MAP4K4: variants seen among roughly 807,000 people sequenced by gnomAD.
MAP4K4 encodes mitogen-activated protein kinase kinase kinase kinase 4.
In MAP4K4, 38 loss-of-function variants were observed where a neutral mutation model predicts 189.6. The ratio of observed to expected loss-of-function variants is 0.20; its 90% confidence interval spans 0.15 to 0.26. The LOEUF (loss-of-function observed/expected upper bound fraction) is 0.26, where lower values mean the gene tolerates loss of function less well. Ranked by LOEUF, MAP4K4 falls within the 10% of genes least tolerant of loss-of-function variation. MAP4K4 has a pLI of 1.00. For missense variants in MAP4K4, 1,054 were observed against 1,726.9 expected (o/e 0.61, Z 6.91); for synonymous variants, 610 against 624.3 (o/e 0.98, Z 0.34).
chr2:101,826,193 G>A (rs894380402), intron 5 of MAP4K4, among the ~76,000 whole-genome samples: 4 of 152,000 alleles, frequency 2.6e-5, no homozygotes, highest in Middle Eastern at 3.4e-3. Flanking sequence ...TTAAATTGAA[G>A]CCCAATTCTT....
chr2:101,779,866 A>G (rs1375034033), intron 2 of MAP4K4, among the ~76,000 whole-genome samples: 1 of 151,852 alleles, frequency 6.6e-6, no homozygotes, highest in African/African-American at 2.4e-5. Context: ...TAAAATATGA[A>G]TATACAGCAT....
intron 25 of MAP4K4, 33 bp from the exon 26 acceptor site, chr2:101,874,049 A>C (rs1161551902): frequency 1.3e-6 from 2 of 1,587,516 alleles, no homozygotes; most frequent in Non-Finnish European, 1.7e-6. Context: ...GTGTGTGTGT[A>C]CAGAAAATAA....
intron 7 of MAP4K4, among the ~76,000 whole-genome samples, chr2:101,832,964 T>C (rs2096632456): frequency 6.6e-6 from 1 of 152,142 alleles, no homozygotes; most frequent in East Asian, 1.9e-4. Flanking sequence ...CTTAGCAAAA[T>C]CACTGCTGGG....
At chr2:101,831,487 G>A (rs940788630) in intron 6 of MAP4K4, among the ~76,000 whole-genome samples, 5 of 151,484 alleles carry the variant, frequency 3.3e-5, no homozygotes, top group African/African-American at 1.2e-4. Context: ...GAGGCAGCCA[G>A]ATCCAGGCCT....
chr2:101,857,707 C>G (rs1375038964), intron 13 of MAP4K4, among the ~76,000 whole-genome samples: 1 of 152,116 alleles, frequency 6.6e-6, no homozygotes, highest in Non-Finnish European at 1.5e-5. Context: ...TAAGTCCGCC[C>G]CACCCCTCTG....
chr2:101,845,574 C>T (rs2097079084), intron 12 of MAP4K4, among the ~76,000 whole-genome samples: 1 of 152,046 alleles, frequency 6.6e-6, no homozygotes, highest in Admixed American at 6.5e-5. Context: ...GTTACTGTGC[C>T]TTATACTGTA....
chr2:101,839,175 C>A (rs1317161818), intron 9 of MAP4K4, among the ~76,000 whole-genome samples: 1 of 152,188 alleles, frequency 6.6e-6, no homozygotes, highest in Non-Finnish European at 1.5e-5. Flanking sequence ...CCATGGTCCT[C>A]ATGAGCTGGG....
intron 2 of MAP4K4, among the ~76,000 whole-genome samples, chr2:101,767,811 A>G (rs1231582907): frequency 6.6e-6 from 1 of 152,178 alleles, no homozygotes; most frequent in Non-Finnish European, 1.5e-5. Flanking sequence ...CACTTTAATA[A>G]TTGCTATGAC....
In MAP4K4 at chr2:101,726,488, C is replaced by G. The variant is rs1346984482; in HGVS notation, c.123+27950C>G. On this transcript the variant is annotated intron_variant, in intron 2 of 32. Coordinates refer to ENST00000324219, the Ensembl canonical transcript of MAP4K4. ...ATTGTTGACTAAAGGTCCATTATTA[C>G]TAGTTAAGTATCAGCTAATATTCAT... 5.9e-5 allele frequency among the ~76,000 whole-genome samples: 9 copies of G among 152,260 alleles called. No homozygotes were observed. The East Asian group carries it at 1.7e-3, about 29-fold the overall frequency.
chr2:101,779,873 G>T (rs886433793), intron 2 of MAP4K4, among the ~76,000 whole-genome samples: 3 of 151,292 alleles, frequency 2.0e-5, no homozygotes, highest in Admixed American at 2.0e-4. Context: ...TGAATATACA[G>T]CATAGGCAAA....
At chr2:101,790,806 A>T in intron 3 of MAP4K4, 30 bp downstream of exon 3, 5 of 1,544,090 alleles carry the variant, frequency 3.2e-6, no homozygotes, top group Non-Finnish European at 4.5e-6. Context: ...ATTTTTAAAT[A>T]ATGTTAGATG....
chr2:101,789,902 T>G (rs1159710985), intron 2 of MAP4K4, among the ~76,000 whole-genome samples: 1 of 152,106 alleles, frequency 6.6e-6, no homozygotes. Flanking sequence ...TCTAGTGATA[T>G]AAATGGGTTA....
At chr2:101,865,061 A>G (rs1045183097) in intron 18 of MAP4K4, 25 bp downstream of exon 18, 12 of 1,408,236 alleles carry the variant, frequency 8.5e-6, no homozygotes, top group Non-Finnish European at 1.2e-5. Flanking sequence ...AGCACTGAGA[A>G]CAGGCCTTCT....
At chr2:101,745,438 T>TAAAAAA (rs10678749) in intron 2 of MAP4K4, among the ~76,000 whole-genome samples, 1 of 91,700 alleles carries the variant, frequency 1.1e-5, no homozygotes, top group Non-Finnish European at 2.2e-5. Flanking sequence ...TGCCCCCAGG[T>TAAAAAA]AAAAAAAAAA....
intron 15 of MAP4K4, 132 bp from the exon 16 acceptor site, chr2:101,860,693 A>C (rs2097621055): frequency 4.3e-6 from 3 of 691,800 alleles, no homozygotes; most frequent in Non-Finnish European, 7.1e-6. Flanking sequence ...TTTTCCAGCT[A>C]CCCCTCTCTT....
chr2:101,785,726 CTCTCT>C (rs2090606007), intron 2 of MAP4K4, among the ~76,000 whole-genome samples: 1 of 8,336 alleles, frequency 1.2e-4, no homozygotes. Context: ...CTCTCTCTCT[CTCTCT>C]CTCTCTCTCT....
intron 3 of MAP4K4, among the ~76,000 whole-genome samples, chr2:101,812,789 C>G (rs2095510429): frequency 6.6e-6 from 1 of 152,150 alleles, no homozygotes; most frequent in African/African-American, 2.4e-5. Flanking sequence ...AAAATAGCAC[C>G]AACTTGTCTT....
intron 2 of MAP4K4, among the ~76,000 whole-genome samples, chr2:101,747,529 A>G (rs1225732448): frequency 6.6e-6 from 1 of 152,158 alleles, no homozygotes; most frequent in African/African-American, 2.4e-5. Context: ...GGGTGGAGTA[A>G]TTAAAGACTG....
chr2:101,700,035 G>C (rs1373971769), intron 2 of MAP4K4, among the ~76,000 whole-genome samples: 1 of 152,052 alleles, frequency 6.6e-6, no homozygotes, highest in Non-Finnish European at 1.5e-5. Context: ...GTTTTTTCTC[G>C]CCAAATTAAA....
Sources: allele counts gnomAD v4.1 joint callset (sites outside exome capture counted in the v4.1 genomes callset), GRCh38; gene constraint gnomAD v4.1.1; transcripts MANE v1.5; gene names NCBI Gene and HGNC (gene_info 2026-07-23, HGNC 2026-07-21).